Variants in AUTS2 observed in about 807,000 individuals in gnomAD.
The protein encoded by AUTS2 is activator of transcription and developmental regulator AUTS2, also known as autism susceptibility gene 2 protein.
A neutral mutation model predicts 112.4 loss-of-function variants in AUTS2; 17 were observed. The observed-to-expected ratio is 0.15, with a 90% CI of 0.10 to 0.23. The LOEUF is 0.23. AUTS2 is among the 10% of genes least tolerant of loss of function. AUTS2 has a pLI of 1.00. For missense variants in AUTS2, 1,510 were observed against 1,701.6 expected (o/e 0.89, Z 1.98); for synonymous variants, 751 against 702.7 (o/e 1.07, Z -1.09).
intron 2 of AUTS2, among the ~76,000 whole-genome samples, chr7:70,015,912 C>T (rs776143475): frequency 2.6e-5 from 4 of 151,190 alleles, no homozygotes; most frequent in Non-Finnish European, 5.9e-5. Context: ...TTTCTGCTTG[C>T]TGTGAATTCT....
chr7:69,841,758 T>C (rs764125288), intron 1 of AUTS2, among the ~76,000 whole-genome samples: 2 of 152,212 alleles, frequency 1.3e-5, no homozygotes, highest in Non-Finnish European at 2.9e-5. Flanking sequence ...TTAAAAATTA[T>C]AACTGCTGTA....
At chr7:69,644,990 C>T (rs1794959566) in intron 1 of AUTS2, among the ~76,000 whole-genome samples, 1 of 151,918 alleles carries the variant, frequency 6.6e-6, no homozygotes, top group Admixed American at 6.6e-5. Context: ...CTCACTGCAG[C>T]CTCAAACTCC....
At chr7:70,144,691 A>C (rs1353751181) in intron 4 of AUTS2, among the ~76,000 whole-genome samples, 1 of 152,124 alleles carries the variant, frequency 6.6e-6, no homozygotes, top group Non-Finnish European at 1.5e-5. Context: ...CACCAATCTG[A>C]GACATGACTC....
At chr7:69,893,620 C>T (rs1028950462) in intron 1 of AUTS2, among the ~76,000 whole-genome samples, 3 of 152,178 alleles carry the variant, frequency 2.0e-5, no homozygotes, top group African/African-American at 7.2e-5. Context: ...CATACATATA[C>T]ATGCATTTGG....
intron 5 of AUTS2, among the ~76,000 whole-genome samples, chr7:70,581,343 G>A (rs565454459): frequency 2.0e-5 from 3 of 152,096 alleles, no homozygotes; most frequent in African/African-American, 4.8e-5. Flanking sequence ...CCGAGATTGC[G>A]CCATTGCATT....
intron 1 of AUTS2, among the ~76,000 whole-genome samples, chr7:69,824,965 A>G (rs949103202): frequency 1.3e-5 from 2 of 152,316 alleles, no homozygotes; most frequent in African/African-American, 2.4e-5. Context: ...ATACTTCACT[A>G]TACTTCGGTG....
intron 2 of AUTS2, among the ~76,000 whole-genome samples, chr7:70,043,605 CTTTT>C (rs1278951595): frequency 2.4e-4 from 4 of 16,456 alleles, no homozygotes; most frequent in African/African-American, 5.3e-4. Context: ...TCCTTCCTTC[CTTTT>C]TTTTTTTTTT....
At chr7:69,790,969 G>A (rs1789584415) in intron 1 of AUTS2, among the ~76,000 whole-genome samples, 1 of 152,156 alleles carries the variant, frequency 6.6e-6, no homozygotes, top group South Asian at 2.1e-4. Context: ...CTTAATTCCT[G>A]TCTTCTAACT....
intron 1 of AUTS2, among the ~76,000 whole-genome samples, chr7:69,826,708 T>C (rs1397097192): frequency 6.6e-6 from 1 of 152,222 alleles, no homozygotes; most frequent in Non-Finnish European, 1.5e-5. Flanking sequence ...CTATTGTAAG[T>C]GTGAATATTT....
intron 5 of AUTS2, among the ~76,000 whole-genome samples, chr7:70,692,544 C>A (rs1323150934): frequency 6.6e-6 from 1 of 152,200 alleles, no homozygotes; most frequent in African/African-American, 2.4e-5. Flanking sequence ...AAATCCATCT[C>A]CAAACCTATA....
At chr7:69,978,166 A>C (rs1584518465) in intron 2 of AUTS2, among the ~76,000 whole-genome samples, 1 of 152,200 alleles carries the variant, frequency 6.6e-6, no homozygotes, top group South Asian at 2.1e-4. Flanking sequence ...TATCAGTCAC[A>C]CTTTGCTATA....
At chr7:69,651,315 G>A (rs1247806457) in intron 1 of AUTS2, among the ~76,000 whole-genome samples, 2 of 152,110 alleles carry the variant, frequency 1.3e-5, no homozygotes, top group Non-Finnish European at 2.9e-5. Context: ...GAGTTTCTGG[G>A]AACAGCAGAT....
At chr7:69,641,120 C>T (rs1219153444) in intron 1 of AUTS2, among the ~76,000 whole-genome samples, 3 of 152,146 alleles carry the variant, frequency 2.0e-5, no homozygotes, top group Non-Finnish European at 1.5e-5. Context: ...TGTGTCTGCT[C>T]CTTCTGGAGC....
intron 5 of AUTS2, among the ~76,000 whole-genome samples, chr7:70,468,197 CCACATTAACTGAAGCT>C (rs530873100): frequency 1.0e-3 from 154 of 152,224 alleles, no homozygotes; most frequent in African/African-American, 3.6e-3. Context: ...AGCATTGTGT[CCACATTAACTGAAGCT>C]CACAGAAATC....
chr7:69,961,266 C>G (rs934267985), intron 2 of AUTS2, among the ~76,000 whole-genome samples: 1 of 152,084 alleles, frequency 6.6e-6, no homozygotes, highest in Non-Finnish European at 1.5e-5. Context: ...AATCAGCAAT[C>G]TGTAGTATGG....
At chr7:70,141,095 T>C (rs1806837217) in intron 4 of AUTS2, among the ~76,000 whole-genome samples, 1 of 152,176 alleles carries the variant, frequency 6.6e-6, no homozygotes, top group South Asian at 2.1e-4. Context: ...GATGGATGTT[T>C]AGATAGTCAA....
chr7:70,398,980 C>CTT (rs1184257368), intron 4 of AUTS2, among the ~76,000 whole-genome samples: 13 of 130,614 alleles, frequency 1.0e-4, no homozygotes, highest in Non-Finnish European at 1.7e-4. Context: ...TATGGTCTTT[C>CTT]TTTTTTTTTT....
intron 4 of AUTS2, among the ~76,000 whole-genome samples, chr7:70,193,558 G>T (rs1346115804): frequency 1.3e-5 from 2 of 152,192 alleles, no homozygotes; most frequent in African/African-American, 4.8e-5. Context: ...CAATGTGGCA[G>T]ATGTTTAAGG....
chr7:69,852,221 T>C (rs557434083), intron 1 of AUTS2, among the ~76,000 whole-genome samples: 4 of 152,302 alleles, frequency 2.6e-5, no homozygotes, highest in South Asian at 4.1e-4. Flanking sequence ...TGTTGATTGG[T>C]TTTTGAATAT....
Sources: allele counts gnomAD v4.1 joint callset (sites outside exome capture counted in the v4.1 genomes callset), GRCh38; gene constraint gnomAD v4.1.1; transcripts MANE v1.5; gene names NCBI Gene and HGNC (gene_info 2026-07-23, HGNC 2026-07-21).